Variants in LRRFIP1 observed in about 807,000 individuals in gnomAD.
LRRFIP1 encodes LRR binding FLII interacting protein 1, also known as leucine-rich repeat flightless-interacting protein 1.
A neutral mutation model predicts 104.4 loss-of-function variants in LRRFIP1; 62 were observed. That is an observed-to-expected ratio of 0.59 (90% confidence interval 0.48 to 0.73). LRRFIP1 has a LOEUF of 0.73. LRRFIP1 is among the 30% of genes least tolerant of loss of function. The pLI is 0.00. For synonymous variants in LRRFIP1, 300 were observed against 299.0 expected, an observed-to-expected ratio of 1.00 and a Z score of -0.03; for missense variants, 796 against 824.5, an observed-to-expected ratio of 0.97 and a Z score of 0.42.
At chr2:237,708,414 A>G in intron 1 of LRRFIP1, 130 bp from the exon 2 acceptor site, 1 of 652,406 alleles carries the variant, frequency 1.5e-6, no homozygotes. Context: ...TTACTCTATG[A>G]ATCTGGAATT....
rs2060243074 is a variant in LRRFIP1, at chr2:237,766,191, T to C, written c.1460-3752T>C. Among the ~76,000 whole-genome samples, 1 of 152,214 alleles carries C rather than the reference T, an allele frequency of 6.6e-6. No homozygotes were observed. Among genetic ancestry groups the C allele is most frequent in the Admixed American group, 6.5e-5 (1 of 15,284 alleles). ...TGTGCAGCCTCAGCTGAAAACGGTC[T>C]TCACCTGTGGCTGTGCTTACCTGCG... On this transcript the variant is annotated intron_variant, in intron 19 of 23. Coordinates refer to ENST00000308482, the MANE Select transcript of LRRFIP1 (RefSeq NM_001137550.2). This position sits in a 1 kb window ranked among gnomAD's most constrained non-coding sequence, Gnocchi z 4.8.
chr2:237,713,376 A>G (rs1233329094), intron 2 of LRRFIP1, among the ~76,000 whole-genome samples: 1 of 152,224 alleles, frequency 6.6e-6, no homozygotes, highest in Non-Finnish European at 1.5e-5. Flanking sequence ...AATAATGTAC[A>G]TATTCTTGGG....
At chr2:237,656,644 T>A (rs1393514006) in intron 1 of LRRFIP1, among the ~76,000 whole-genome samples, 1 of 152,242 alleles carries the variant, frequency 6.6e-6, no homozygotes, top group Non-Finnish European at 1.5e-5. Context: ...GTGACTCACG[T>A]ATGATTATTC....
chr2:237,667,869 C>T (rs910514857), intron 1 of LRRFIP1, among the ~76,000 whole-genome samples: 3 of 152,118 alleles, frequency 2.0e-5, no homozygotes, highest in Admixed American at 2.0e-4. Flanking sequence ...CTCCGTCAGC[C>T]TCTCCCGGGT....
At chr2:237,688,081 A>T (rs2092508421) in intron 1 of LRRFIP1, among the ~76,000 whole-genome samples, 1 of 152,208 alleles carries the variant, frequency 6.6e-6, no homozygotes, top group African/African-American at 2.4e-5. Flanking sequence ...TACTTCTGAG[A>T]ATGGATTTTT....
intron 11 of LRRFIP1, among the ~76,000 whole-genome samples, chr2:237,741,841 AAAG>A (rs2057126767): frequency 6.6e-6 from 1 of 152,144 alleles, no homozygotes; most frequent in Admixed American, 6.5e-5. Context: ...AAAAAAGAAA[AAAG>A]AAAAAAAAGA....
At chr2:237,767,831 G>T (rs1482763159) in intron 19 of LRRFIP1, among the ~76,000 whole-genome samples, 3 of 152,216 alleles carry the variant, frequency 2.0e-5, no homozygotes, top group Non-Finnish European at 4.4e-5. Flanking sequence ...ACAACAGTAA[G>T]ATTTGTTCTA....
chr2:237,740,267 T>A (rs1237558131), intron 11 of LRRFIP1, among the ~76,000 whole-genome samples: 1 of 148,936 alleles, frequency 6.7e-6, no homozygotes, highest in Admixed American at 6.7e-5. Flanking sequence ...AAAAAAAAAA[T>A]TAGCCAGGTG....
At chr2:237,733,956 C>T (rs2095133954) in intron 9 of LRRFIP1, 138 bp downstream of exon 9, 16 of 863,364 alleles carry the variant, frequency 1.9e-5, no homozygotes, top group Non-Finnish European at 3.0e-5. Context: ...CTTACATGTG[C>T]CAGTGGGGAA....
chr2:237,732,668 C>T (rs1415870893), intron 8 of LRRFIP1, among the ~76,000 whole-genome samples: 2 of 152,202 alleles, frequency 1.3e-5, no homozygotes, highest in Middle Eastern at 3.2e-3. Context: ...TGCATATTTT[C>T]AAAAACTCGA....
chr2:237,639,342 G>A (rs938572368), intron 1 of LRRFIP1, among the ~76,000 whole-genome samples: 2 of 152,240 alleles, frequency 1.3e-5, no homozygotes, highest in African/African-American at 4.8e-5. Context: ...CTGTAAATAT[G>A]TGTGTCTTTA....
intron 4 of LRRFIP1, among the ~76,000 whole-genome samples, chr2:237,718,232 T>C (rs1458719593): frequency 6.6e-6 from 1 of 152,258 alleles, no homozygotes; most frequent in Admixed American, 6.5e-5. Context: ...ACCTGAGAGG[T>C]ACATTATGCT....
chr2:237,720,852 G>A (rs771035806), intron 6 of LRRFIP1, 30 bp downstream of exon 6: 7 of 1,607,374 alleles, frequency 4.4e-6, no homozygotes, highest in Admixed American at 3.3e-5. Context: ...GAGTTTGCAT[G>A]GCACAGTTTC....
Position 237,714,246 on chromosome 2 carries a change from T to C in LRRFIP1, c.184-13T>C. 2 of 1,582,244 alleles carry C rather than the reference T, an allele frequency of 1.3e-6. No homozygotes were observed. Among genetic ancestry groups the C allele is most frequent in the Non-Finnish European group, 1.7e-6 (2 of 1,157,876 alleles). ...GATTTTACATTTCTTTTTTCTTCTG[T>C]CCTTCTCTATAGATCTATCAGGTCC... On this transcript the variant is annotated splice_polypyrimidine_tract_variant and intron_variant, in intron 2 of 23. Transcript: ENST00000308482.
chr2:237,668,860 A>C (rs1425507454), intron 1 of LRRFIP1, among the ~76,000 whole-genome samples: 1 of 152,232 alleles, frequency 6.6e-6, no homozygotes, highest in Non-Finnish European at 1.5e-5. Flanking sequence ...TTCAGGCAAT[A>C]GTAGAAAATA....
chr2:237,751,869 A>G (rs1191376110), intron 14 of LRRFIP1, among the ~76,000 whole-genome samples: 2 of 152,184 alleles, frequency 1.3e-5, no homozygotes, highest in East Asian at 3.9e-4. Flanking sequence ...GTTCCTTGAC[A>G]GTAAGGTGGG....
At position 237,627,657 on chromosome 2, in the gene LRRFIP1, AC is replaced by A. The variant is rs1392935553; in HGVS notation, c.16del (p.Gln6ArgfsTer47). On this transcript the variant is annotated frameshift_variant, in exon 1 of 24. Transcript: ENST00000308482. LOFTEE classifies it high-confidence loss of function. ...GGCGACGCGGTCGATGGACATGGGC[AC>A]CCAGGGATCGGGGCGCAAGCGGCTC... MDMG[T>X]QGSGRKRLPN... 1 of 1,354,760 alleles carries A rather than the reference AC, an allele frequency of 7.4e-7. No individual in the cohort carries two copies. The allele number at this position is 1,354,760 out of a possible 1,614,324, so 83.9% of individuals were successfully genotyped here. A position where few individuals can be genotyped will look rare whatever the true frequency, so the allele number is the denominator to read the frequency against.
intron 1 of LRRFIP1, among the ~76,000 whole-genome samples, chr2:237,664,582 G>C (rs2088824856): frequency 6.6e-6 from 1 of 152,238 alleles, no homozygotes; most frequent in African/African-American, 2.4e-5. Context: ...GCAAGGGTCT[G>C]GCCTCTGGAA....
chr2:237,779,540 C>T lies in LRRFIP1; in HGVS notation c.*8C>T. The T allele has an allele frequency of 1.2e-6, 2 of 1,608,804 alleles. No homozygotes were observed. The highest frequency in any genetic ancestry group is 1.7e-6 in the Non-Finnish European group (2 of 1,175,512). On this transcript the variant is annotated 3_prime_UTR_variant, in exon 24 of 24. Transcript: ENST00000308482. ...CTCTTGTCCCAGCAGTAAATTCCAGCTCTGATCAGGCAACTGGTTGGTGAC... is the reference window on the plus strand; with the variant it reads ...CTCTTGTCCCAGCAGTAAATTCCAGTTCTGATCAGGCAACTGGTTGGTGAC...
Sources: gnomAD v4.1 joint callset for allele counts (sites outside exome capture counted in the v4.1 genomes callset) on GRCh38, gnomAD v4.1.1 for gene constraint, Gnocchi (gnomAD v3.1) non-coding constraint, MANE v1.5 for transcripts, NCBI Gene and HGNC (gene_info 2026-07-23, HGNC 2026-07-21) for gene names.